POLA1: variants seen among roughly 807,000 people sequenced by gnomAD.
POLA1 encodes the protein DNA polymerase alpha catalytic subunit.
Under a neutral mutation model 124.0 loss-of-function variants are expected in POLA1, and 15 were observed. The observed-to-expected ratio is 0.12, with a 90% CI of 0.08 to 0.19. POLA1 has a LOEUF of 0.19. POLA1 is among the 10% of genes least tolerant of loss of function. The pLI, the probability that POLA1 is intolerant of heterozygous loss-of-function variation, is 1.00. For synonymous variants in POLA1, 408 were observed against 389.4 expected, an observed-to-expected ratio of 1.05 and a Z score of -0.56; for missense variants, 886 against 1,103.4, an observed-to-expected ratio of 0.80 and a Z score of 2.79.
chrX:24,814,724 T>G (rs1325521945), intron 29 of POLA1, among the ~76,000 whole-genome samples: 1 of 112,022 alleles, frequency 8.9e-6, no homozygotes, highest in Non-Finnish European at 1.9e-5. Context: ...AAATATTAGC[T>G]GCCACATAAA....
At chrX:24,889,666 C>G (rs2047117065) in intron 35 of POLA1, among the ~76,000 whole-genome samples, 1 of 112,017 alleles carries the variant, frequency 8.9e-6, no homozygotes, top group South Asian at 3.7e-4. Flanking sequence ...GGTTGATACA[C>G]AGACTAGTTT....
chrX:24,908,164 A>AT (rs966222583), intron 35 of POLA1, among the ~76,000 whole-genome samples: 33 of 110,116 alleles, frequency 3.0e-4, no homozygotes, highest in African/African-American at 8.9e-4. Flanking sequence ...CCCCAAAATG[A>AT]TTTTTTTTTA....
chrX:24,757,215 A>C (rs1932649570), intron 26 of POLA1, among the ~76,000 whole-genome samples: 1 of 111,009 alleles, frequency 9.0e-6, no homozygotes, highest in African/African-American at 3.3e-5. Context: ...TTTGGATTCT[A>C]AATTCCCGGC....
intron 34 of POLA1, among the ~76,000 whole-genome samples, chrX:24,843,939 A>G (rs2046442076): frequency 8.9e-6 from 1 of 111,945 alleles, no homozygotes; most frequent in Admixed American, 9.5e-5. Flanking sequence ...AGAAAAAGCC[A>G]GAATATAATT....
chrX:24,901,062 A>G (rs1460110408), intron 35 of POLA1, among the ~76,000 whole-genome samples: 1 of 111,962 alleles, frequency 8.9e-6, no homozygotes, highest in East Asian at 2.8e-4. Context: ...GCCAGTAGGT[A>G]TACAGCAGGA....
At chrX:24,985,492 C>A (rs1054267158) in intron 36 of POLA1, among the ~76,000 whole-genome samples, 1 of 112,694 alleles carries the variant, frequency 8.9e-6, no homozygotes, top group African/African-American at 3.2e-5. Context: ...ACAGTGTAGG[C>A]CTAAAGGGAG....
intron 36 of POLA1, among the ~76,000 whole-genome samples, chrX:24,993,636 A>G (rs1438667804): frequency 9.0e-6 from 1 of 111,451 alleles, no homozygotes; most frequent in Non-Finnish European, 1.9e-5. Flanking sequence ...CTAAAGGGGG[A>G]AGAGAAAAAC....
chrX:24,798,730 A>G (rs1032391273), intron 26 of POLA1, among the ~76,000 whole-genome samples: 3 of 111,155 alleles, frequency 2.7e-5, no homozygotes, highest in African/African-American at 9.8e-5. Context: ...GTCAAAAGTT[A>G]TACATGGATT....
intron 36 of POLA1, among the ~76,000 whole-genome samples, chrX:24,958,526 T>C (rs1317554096): frequency 8.9e-6 from 1 of 112,783 alleles, no homozygotes; most frequent in Non-Finnish European, 1.9e-5. Flanking sequence ...TATGTTCATA[T>C]AGTTTGAAAA....
At chrX:24,839,681 A>G (rs113834868) in intron 32 of POLA1, among the ~76,000 whole-genome samples, 18 of 111,817 alleles carry the variant, frequency 1.6e-4, no homozygotes, top group Non-Finnish European at 3.0e-4. Context: ...TTGTTCCTTT[A>G]TTTTTGGACT....
At chrX:24,794,879 G>A (rs1257409487) in intron 26 of POLA1, among the ~76,000 whole-genome samples, 1 of 109,689 alleles carries the variant, frequency 9.1e-6, no homozygotes, top group African/African-American at 3.3e-5. Flanking sequence ...TTTTTTAAAA[G>A]TGTTTATCTG....
At chrX:24,812,981 T>TATTCTTATTAATAAGAATTATTAATC (rs1394197246) in intron 29 of POLA1, 118 bp downstream of exon 29, 9 of 385,660 alleles carry the variant, frequency 2.3e-5, no homozygotes, top group Middle Eastern at 7.1e-4. Flanking sequence ...TTATTTTTAT[T>TATTCTTATTAATAAGAATTATTAATC]ATTCTTATTA....
intron 36 of POLA1, among the ~76,000 whole-genome samples, chrX:24,934,409 G>A (rs746097213): frequency 2.5e-4 from 28 of 112,203 alleles, no homozygotes; most frequent in Non-Finnish European, 4.5e-4. Flanking sequence ...CAACAACTAA[G>A]TGTGGTATGG....
intron 34 of POLA1, among the ~76,000 whole-genome samples, chrX:24,870,462 C>T: frequency 9.0e-6 from 1 of 111,620 alleles, no homozygotes; most frequent in Non-Finnish European, 1.9e-5. Flanking sequence ...TCTCTGCTGG[C>T]TTCTAATGTG....
At chrX:24,943,949 A>T in intron 36 of POLA1, among the ~76,000 whole-genome samples, 1 of 112,067 alleles carries the variant, frequency 8.9e-6, no homozygotes, top group Non-Finnish European at 1.9e-5. Flanking sequence ...CAAGGCAGGG[A>T]ATCTAAAGAC....
chrX:24,743,112 C>A, intron 22 of POLA1, 118 bp from the exon 23 acceptor site: 1 of 414,305 alleles, frequency 2.4e-6, no homozygotes, highest in Non-Finnish European at 4.1e-6. Flanking sequence ...CAGATAGGAC[C>A]ACTAACTGAA....
intron 26 of POLA1, among the ~76,000 whole-genome samples, chrX:24,775,800 T>C (rs1006271416): frequency 1.8e-5 from 2 of 111,455 alleles, no homozygotes; most frequent in African/African-American, 6.5e-5. Flanking sequence ...ACAACAGAGG[T>C]AGATGATATT....
chrX:24,883,119 G>A (rs969403849), intron 34 of POLA1, among the ~76,000 whole-genome samples: 2 of 111,654 alleles, frequency 1.8e-5, no homozygotes, highest in African/African-American at 3.3e-5. Context: ...GCATTTTTTC[G>A]TATGCTTGTT....
At chrX:24,743,965 T>G (rs1931838895) in intron 23 of POLA1, among the ~76,000 whole-genome samples, 1 of 108,531 alleles carries the variant, frequency 9.2e-6, no homozygotes, top group South Asian at 4.1e-4. Flanking sequence ...CGATCTCTAC[T>G]CACTGCAACC....
Sources: allele counts gnomAD v4.1 joint callset (sites outside exome capture counted in the v4.1 genomes callset), GRCh38; gene constraint gnomAD v4.1.1; transcripts MANE v1.5; gene names NCBI Gene and HGNC (gene_info 2026-07-23, HGNC 2026-07-21).